PTPRD: variants seen among roughly 807,000 people sequenced by gnomAD.
The protein encoded by PTPRD is protein tyrosine phosphatase receptor type D, also known as receptor-type tyrosine-protein phosphatase delta.
In PTPRD, 34 loss-of-function variants were observed where a neutral mutation model predicts 214.5. The ratio of observed to expected loss-of-function variants is 0.16; its 90% CI spans 0.12 to 0.21. PTPRD has a LOEUF of 0.21. Among genes scored for constraint, PTPRD ranks in the 10% least tolerant of loss-of-function variants. The pLI is 1.00. For missense variants in PTPRD, 2,545 were observed against 2,398.7 expected (o/e 1.06, Z -1.27); for synonymous variants, 1,128 against 845.7 (o/e 1.33, Z -5.79).
At chr9:9,294,477 G>C (rs150993132) in intron 9 of PTPRD, among the ~76,000 whole-genome samples, 1 of 151,774 alleles carries the variant, frequency 6.6e-6, no homozygotes, top group African/African-American at 2.4e-5. Context: ...CTGTAGGGAT[G>C]TATTTGGACG....
intron 8 of PTPRD, among the ~76,000 whole-genome samples, chr9:9,438,852 T>C (rs1179022798): frequency 6.6e-6 from 1 of 152,180 alleles, no homozygotes; most frequent in Non-Finnish European, 1.5e-5. Flanking sequence ...CATAAATGTA[T>C]CATTTGTATA....
chr9:9,422,273 C>G (rs1201729279), intron 8 of PTPRD, among the ~76,000 whole-genome samples: 1 of 152,088 alleles, frequency 6.6e-6, no homozygotes, highest in Non-Finnish European at 1.5e-5. Context: ...CAGCTAAGGT[C>G]CCAGTTCTGT....
intron 35 of PTPRD, 133 bp from the exon 36 acceptor site, chr9:8,404,793 T>A (rs940524656): frequency 4.4e-6 from 5 of 1,135,058 alleles, no homozygotes; most frequent in Non-Finnish European, 4.8e-6. Flanking sequence ...TGATCCTAAC[T>A]GTGAAGCTGA....
intron 11 of PTPRD, among the ~76,000 whole-genome samples, chr9:8,975,438 C>A (rs1040000226): frequency 2.0e-5 from 3 of 151,990 alleles, no homozygotes; most frequent in African/African-American, 7.2e-5. Context: ...TTCATTTAAT[C>A]TCTATGTACA....
intron 5 of PTPRD, among the ~76,000 whole-genome samples, chr9:9,837,292 T>A (rs1018934790): frequency 1.3e-5 from 2 of 152,112 alleles, no homozygotes; most frequent in African/African-American, 4.8e-5. Flanking sequence ...ATGGGACTAT[T>A]CTTTTGAGAG....
chr9:9,148,254 C>T (rs2099871990), intron 10 of PTPRD, among the ~76,000 whole-genome samples: 1 of 151,968 alleles, frequency 6.6e-6, no homozygotes, highest in South Asian at 2.1e-4. Flanking sequence ...TTCAAAGTAG[C>T]TTTGATAAAT....
intron 9 of PTPRD, among the ~76,000 whole-genome samples, chr9:9,290,771 A>C (rs567169281): frequency 6.6e-6 from 1 of 151,498 alleles, no homozygotes; most frequent in Non-Finnish European, 1.5e-5. Context: ...AACATGGGAG[A>C]TTCATTTGCT....
chr9:9,811,350 G>C (rs1464304080), intron 5 of PTPRD, among the ~76,000 whole-genome samples: 3 of 152,104 alleles, frequency 2.0e-5, no homozygotes, highest in Non-Finnish European at 4.4e-5. Flanking sequence ...CCTGAAGATG[G>C]GACAGCATTG....
chr9:9,607,958 C>T (rs1404275310), intron 7 of PTPRD, among the ~76,000 whole-genome samples: 1 of 152,030 alleles, frequency 6.6e-6, no homozygotes, highest in Non-Finnish European at 1.5e-5. Flanking sequence ...GGCAGCTTGG[C>T]AGTGAGGAAA....
At chr9:9,520,748 A>C (rs1038311794) in intron 8 of PTPRD, among the ~76,000 whole-genome samples, 1 of 152,202 alleles carries the variant, frequency 6.6e-6, no homozygotes, top group Admixed American at 6.5e-5. Flanking sequence ...ATTGAATGCC[A>C]ATAAAATTTT....
At chr9:8,782,208 T>A (rs2095741048) in intron 11 of PTPRD, among the ~76,000 whole-genome samples, 1 of 152,012 alleles carries the variant, frequency 6.6e-6, no homozygotes, top group Non-Finnish European at 1.5e-5. Flanking sequence ...AAAATATACA[T>A]GTATATATTG....
At chr9:9,390,232 A>G (rs1362939665) in intron 9 of PTPRD, among the ~76,000 whole-genome samples, 5 of 152,100 alleles carry the variant, frequency 3.3e-5, no homozygotes, top group Non-Finnish European at 7.4e-5. Context: ...GTCAGACAGG[A>G]GGTTAGGTGA....
At chr9:8,388,189 G>C (rs1036335573) in intron 37 of PTPRD, among the ~76,000 whole-genome samples, 1 of 151,960 alleles carries the variant, frequency 6.6e-6, no homozygotes, top group African/African-American at 2.4e-5. Flanking sequence ...TAAATCTCTT[G>C]GGCAGCTTTT....
chr9:9,213,573 A>T (rs1452154171), intron 9 of PTPRD, among the ~76,000 whole-genome samples: 1 of 152,050 alleles, frequency 6.6e-6, no homozygotes, highest in African/African-American at 2.4e-5. Context: ...GGTCTGCCTC[A>T]TTTGGGAATC....
chr9:9,356,801 T>G (rs2053965560), intron 9 of PTPRD, among the ~76,000 whole-genome samples: 1 of 151,416 alleles, frequency 6.6e-6, no homozygotes, highest in African/African-American at 2.4e-5. Flanking sequence ...TACATTCTGT[T>G]GATGATCTCC....
At chr9:10,517,497 C>G (rs944373629) in intron 2 of PTPRD, among the ~76,000 whole-genome samples, 2 of 151,888 alleles carry the variant, frequency 1.3e-5, no homozygotes, top group African/African-American at 4.8e-5. Flanking sequence ...CACATAAGAT[C>G]ATGTCATTTG....
At chr9:8,695,305 T>C (rs72700373) in intron 12 of PTPRD, among the ~76,000 whole-genome samples, 26,360 of 152,100 alleles carry the variant, frequency 0.17, 2,477 homozygotes, top group African/African-American at 0.23. Context: ...CACATGGCCA[T>C]GTTTAAGTGC....
intron 8 of PTPRD, among the ~76,000 whole-genome samples, chr9:9,519,448 C>A (rs751831654): frequency 9.2e-5 from 14 of 151,668 alleles, no homozygotes; most frequent in Non-Finnish European, 1.8e-4. Flanking sequence ...ATCCTGAAAG[C>A]CTAATCAAAG....
chr9:9,524,302 C>A (rs2073481487), intron 8 of PTPRD, among the ~76,000 whole-genome samples: 1 of 152,130 alleles, frequency 6.6e-6, no homozygotes, highest in Non-Finnish European at 1.5e-5. Flanking sequence ...TCTCCAGTCT[C>A]TCTCTTTCTT....
Sources: allele counts gnomAD v4.1 joint callset (sites outside exome capture counted in the v4.1 genomes callset), GRCh38; gene constraint gnomAD v4.1.1; transcripts MANE v1.5; gene names NCBI Gene and HGNC (gene_info 2026-07-23, HGNC 2026-07-21).